Variants in RYR2 observed in about 807,000 individuals in gnomAD.
RYR2 encodes the protein ryanodine receptor 2, also known as cardiac muscle ryanodine receptor-calcium release channel.
Under a neutral mutation model 601.1 loss-of-function variants are expected in RYR2, and 227 were observed. That is an observed-to-expected ratio of 0.38 (90% CI 0.34 to 0.42). The LOEUF (loss-of-function observed/expected upper bound fraction) is 0.42. Ranked by LOEUF, RYR2 falls within the 10% of genes least tolerant of loss-of-function variation. The pLI, the probability that RYR2 is intolerant of heterozygous loss-of-function variation, is 1.00. For missense variants in RYR2, 4,646 were observed against 6,156.5 expected (o/e 0.75, Z 8.21); for synonymous variants, 2,223 against 2,175.1 (o/e 1.02, Z -0.61).
intron 27 of RYR2, among the ~76,000 whole-genome samples, chr1:237,560,834 C>T (rs568627954): frequency 8.5e-5 from 13 of 152,286 alleles, no homozygotes; most frequent in African/African-American, 2.9e-4. Flanking sequence ...GAACAGAGAG[C>T]AGACTGCAAA....
intron 1 of RYR2, among the ~76,000 whole-genome samples, chr1:237,058,411 T>C (rs550743544): frequency 5.9e-5 from 9 of 152,304 alleles, no homozygotes; most frequent in African/African-American, 2.2e-4. Flanking sequence ...GCTGTACATA[T>C]AATTTGTTGC....
chr1:237,705,451 AT>A, intron 67 of RYR2, 108 bp downstream of exon 67: 3 of 883,952 alleles, frequency 3.4e-6, no homozygotes, highest in Non-Finnish European at 5.1e-6. Context: ...ACTATATCCA[AT>A]CTTGTTTGTT....
intron 10 of RYR2, among the ~76,000 whole-genome samples, chr1:237,408,255 A>C (rs1165263767): frequency 1.3e-5 from 2 of 151,898 alleles, no homozygotes; most frequent in African/African-American, 4.8e-5. Context: ...GGTGTGTTCT[A>C]GATTAGTTTT....
At chr1:237,439,109 T>C (rs1464573271) in intron 12 of RYR2, among the ~76,000 whole-genome samples, 1 of 149,856 alleles carries the variant, frequency 6.7e-6, no homozygotes, top group Non-Finnish European at 1.5e-5. Flanking sequence ...TACTATTCTG[T>C]TGGATGCTTT....
At chr1:237,579,727 G>C in intron 29 of RYR2, among the ~76,000 whole-genome samples, 1 of 152,058 alleles carries the variant, frequency 6.6e-6, no homozygotes, top group East Asian at 1.9e-4. Flanking sequence ...CATGTCATAT[G>C]CTCACCTAAA....
At position 237,792,384 on chromosome 1, in the gene RYR2, T is replaced by C. The variant is rs78394746; in HGVS notation, c.13782+61T>C. 0.027 allele frequency: 16,398 copies of C among 598,942 alleles called. 118 individuals carry two copies. Among genetic ancestry groups the C allele is most frequent in the East Asian group, 0.046 (1,241 of 27,148 alleles). 37.1% of individuals were successfully genotyped at this position (598,942 alleles called of 1,614,324 possible). On this transcript the variant is annotated intron_variant, in intron 94 of 104. Transcript: ENST00000366574. The stretch of plus-strand genomic sequence containing the variant: ...GTGTGTGTGTGTGTGTGTGTGTGCG[T>C]GTGTGTGTGTGTGCGTGTGTGTGTG...
intron 47 of RYR2, 63 bp from the exon 48 acceptor site, chr1:237,643,264 C>A: frequency 6.3e-7 from 1 of 1,581,786 alleles, no homozygotes; most frequent in South Asian, 1.1e-5. Context: ...TTCAGATTTC[C>A]TAGACAGAAT....
At chr1:237,382,544 A>G (rs1348918632) in intron 8 of RYR2, among the ~76,000 whole-genome samples, 1 of 102,178 alleles carries the variant, frequency 9.8e-6, no homozygotes, top group Admixed American at 1.4e-4. Flanking sequence ...ACCCCACAAC[A>G]GGCCCCGGTG....
In RYR2 at chr1:237,611,012, A is replaced by G. The variant is rs372645644; in HGVS notation, c.4910+24A>G. The G allele has an allele frequency of 1.9e-5, 30 of 1,594,264 alleles. No individual in the cohort carries two copies. In the Middle Eastern group the frequency reaches 1.7e-3, roughly 90 times the overall value. On this transcript the variant is annotated intron_variant, in intron 36 of 104. Transcript: ENST00000366574. ...AGGTCAGCCCCAGTGAATCCCTGAC[A>G]TTCTGATTGGGACGCTTGGGATTAG...
At chr1:237,128,412 AG>A (rs573312410) in intron 1 of RYR2, among the ~76,000 whole-genome samples, 1 of 152,200 alleles carries the variant, frequency 6.6e-6, no homozygotes, top group South Asian at 2.1e-4. Context: ...GGAGAGGGAG[AG>A]GGACTGGAAA....
rs985676711 is a variant in RYR2 at position 237,623,643 on chromosome 1, C to G, written c.5917-122C>G. The G allele has an allele frequency of 4.9e-6, 3 of 610,128 alleles. No individual in the cohort carries two copies. In the African/African-American group the frequency reaches 5.6e-5, roughly 11 times the overall value. The allele number at this position is 610,128 out of a possible 1,614,324, so 37.8% of individuals were successfully genotyped here. On this transcript the variant is annotated intron_variant, in intron 38 of 104. Coordinates refer to ENST00000366574, the MANE Select transcript of RYR2 (RefSeq NM_001035.3). ...TCCTGACCTCGTGATCTGCCCACCT[C>G]AGCCTCCCAGAGTGCTGGGATTACA...
intron 94 of RYR2, 56 bp from the exon 95 acceptor site, chr1:237,793,811 A>G: frequency 5.1e-6 from 7 of 1,375,112 alleles, no homozygotes; most frequent in Non-Finnish European, 7.1e-6. Flanking sequence ...GATAGTGACC[A>G]CAAGATATGC....
At position 237,180,009 on chromosome 1, in the gene RYR2, G is replaced by T. The variant is rs1362490511; in HGVS notation, c.49-90488G>T. Reference sequence around the variant, plus strand: ...CAGTGGCTTTCTGATCAAATTTCGGGTCTTGACACAGCAAGTGATAAAGCT... The same window carrying T: ...CAGTGGCTTTCTGATCAAATTTCGGTTCTTGACACAGCAAGTGATAAAGCT... On this transcript the variant is annotated intron_variant, in intron 1 of 104. Transcript: ENST00000366574. This position sits in a 1 kb window ranked among gnomAD's most constrained non-coding sequence, Gnocchi z 5.3. Among the ~76,000 whole-genome samples, 1 of 152,028 alleles carries T rather than the reference G, an allele frequency of 6.6e-6. No homozygotes were observed. The highest frequency in any genetic ancestry group is 1.5e-5 in the Non-Finnish European group (1 of 68,022).
chr1:237,400,850 C>G (rs1703292177), intron 10 of RYR2, among the ~76,000 whole-genome samples: 1 of 152,142 alleles, frequency 6.6e-6, no homozygotes, highest in African/African-American at 2.4e-5. Flanking sequence ...GGAGCAGCCT[C>G]TTCTCTCTAG....
chr1:237,638,683 T>A (rs1016282347), intron 45 of RYR2, among the ~76,000 whole-genome samples, 191 bp downstream of exon 45: 4 of 152,256 alleles, frequency 2.6e-5, no homozygotes, highest in Admixed American at 1.3e-4. Context: ...CTTATTTAAA[T>A]TAAAATTTTT....
chr1:237,274,145 A>G (rs1690017504), intron 2 of RYR2, among the ~76,000 whole-genome samples: 1 of 148,688 alleles, frequency 6.7e-6, no homozygotes, highest in African/African-American at 2.5e-5. Context: ...TGATAACTAT[A>G]TATTTCTATT....
At chr1:237,234,305 C>T (rs891965185) in intron 1 of RYR2, among the ~76,000 whole-genome samples, 5 of 152,166 alleles carry the variant, frequency 3.3e-5, no homozygotes, top group African/African-American at 1.2e-4. Flanking sequence ...AAGGAACCCT[C>T]GAATCTTCCT....
At chr1:237,473,423 C>CCCTTTCTT (rs1558878090) in intron 17 of RYR2, among the ~76,000 whole-genome samples, 1 of 115,108 alleles carries the variant, frequency 8.7e-6, no homozygotes, top group Non-Finnish European at 1.8e-5. Flanking sequence ...GACTCCATCT[C>CCCTTTCTT]TCTCTCTCTC....
At chr1:237,667,241 TTGTTGGTAAC>T (rs1684406695) in intron 57 of RYR2, among the ~76,000 whole-genome samples, 1 of 152,238 alleles carries the variant, frequency 6.6e-6, no homozygotes, top group Admixed American at 6.5e-5. Flanking sequence ...CATATTAGCA[TTGTTGGTAAC>T]TGTATTGTTC....
Sources: allele counts gnomAD v4.1 joint callset (sites outside exome capture counted in the v4.1 genomes callset), GRCh38; gene constraint gnomAD v4.1.1; non-coding constraint Gnocchi (gnomAD v3.1); transcripts MANE v1.5; gene names NCBI Gene and HGNC (gene_info 2026-07-23, HGNC 2026-07-21).